SHLD2: variants seen among roughly 807,000 people sequenced by gnomAD.
The protein encoded by SHLD2 is RINN1-REV7-interacting novel NHEJ regulator 2.
SHLD2 carries 30 observed loss-of-function variants against 73.2 expected under a neutral mutation model. The ratio of observed to expected loss-of-function variants is 0.41; its 90% CI spans 0.31 to 0.56. SHLD2 has a LOEUF of 0.56. Ranked by LOEUF, SHLD2 falls within the 20% of genes least tolerant of loss-of-function variation. The pLI is 0.28. For missense variants in SHLD2, 745 were observed against 1,055.9 expected (o/e 0.71, Z 4.08); for synonymous variants, 285 against 370.1 (o/e 0.77, Z 2.64).
At position 87,191,138 on chromosome 10, in the gene SHLD2, A is replaced by G. The variant is rs991950159; in HGVS notation, c.*455A>G. ...CTATAATGATAATGGATTAGTTTAT[A>G]TAAACCTATGTTTAGACAAGTTCAA... is the stretch of plus-strand genomic sequence containing the variant. On this transcript the variant is annotated 3_prime_UTR_variant, in exon 10 of 10. Transcript: ENST00000298786. 20 of 183,606 alleles carry G rather than the reference A, an allele frequency of 1.1e-4. No individual in the cohort carries two copies. The highest frequency in any genetic ancestry group is 5.4e-3 in the Middle Eastern group (2 of 368). 11.4% of individuals were successfully genotyped at this position (183,606 alleles called of 1,614,324 possible). A position where few individuals can be genotyped will look rare whatever the true frequency, so the allele number is the denominator to read the frequency against.
intron 8 of SHLD2, among the ~76,000 whole-genome samples, chr10:87,182,136 A>G (rs558898385): frequency 2.9e-4 from 44 of 152,374 alleles, no homozygotes; most frequent in African/African-American, 9.9e-4. Flanking sequence ...ATTGAAATTA[A>G]CAAACTCCCT....
chr10:87,176,766 A>G (rs1253449288), intron 7 of SHLD2, among the ~76,000 whole-genome samples: 2 of 152,244 alleles, frequency 1.3e-5, no homozygotes, highest in African/African-American at 2.4e-5. Context: ...TCATAAAACT[A>G]TGCTAAGGAG....
At chr10:87,180,648 T>C (rs1848247005) in intron 8 of SHLD2, among the ~76,000 whole-genome samples, 1 of 152,208 alleles carries the variant, frequency 6.6e-6, no homozygotes, top group East Asian at 1.9e-4. Context: ...GCTAAAAGTA[T>C]CATATGATCT....
At chr10:87,117,280 G>A (rs1326951531) in intron 2 of SHLD2, among the ~76,000 whole-genome samples, 2 of 152,072 alleles carry the variant, frequency 1.3e-5, no homozygotes, top group African/African-American at 2.4e-5. Context: ...TTAGCTGGGC[G>A]TGGTGGTGCA....
intron 6 of SHLD2, among the ~76,000 whole-genome samples, chr10:87,173,585 T>C (rs1847754179): frequency 6.6e-6 from 1 of 152,198 alleles, no homozygotes; most frequent in Non-Finnish European, 1.5e-5. Context: ...AAATTTCAGA[T>C]ACATTAGAGA....
intron 8 of SHLD2, 131 bp downstream of exon 8, chr10:87,180,434 T>C: frequency 8.2e-7 from 1 of 1,226,804 alleles, no homozygotes; most frequent in African/African-American, 1.5e-5. Context: ...TTCCGAGTGA[T>C]AGATAGCTAT....
intron 2 of SHLD2, among the ~76,000 whole-genome samples, chr10:87,106,508 TCTC>T (rs1291398615): frequency 2.6e-5 from 4 of 152,218 alleles, no homozygotes; most frequent in Admixed American, 2.6e-4. Flanking sequence ...AAATTCTAGT[TCTC>T]CTTGAGATCT....
chr10:87,144,046 T>TA (rs1845402992), intron 2 of SHLD2, among the ~76,000 whole-genome samples: 1 of 151,960 alleles, frequency 6.6e-6, no homozygotes, highest in South Asian at 2.1e-4. Flanking sequence ...GTGTTTTTAG[T>TA]AGAGACGGGG....
At chr10:87,147,357 A>AAG (rs71019470) in intron 2 of SHLD2, among the ~76,000 whole-genome samples, 4 of 150,198 alleles carry the variant, frequency 2.7e-5, no homozygotes, top group Non-Finnish European at 5.9e-5. Flanking sequence ...CCCAAGGAGG[A>AAG]AGAGAGAGAG....
intron 4 of SHLD2, among the ~76,000 whole-genome samples, chr10:87,159,212 G>A (rs1209640938): frequency 1.3e-5 from 2 of 152,174 alleles, no homozygotes; most frequent in African/African-American, 4.8e-5. Flanking sequence ...GGCAGAGCAA[G>A]TAGAAGGGAA....
intron 6 of SHLD2, among the ~76,000 whole-genome samples, chr10:87,173,742 C>CA (rs1300183782): frequency 1.4e-3 from 126 of 91,330 alleles, no homozygotes; most frequent in African/African-American, 2.6e-3. Context: ...GAAAGGCAAC[C>CA]AAAAAAAAAC....
At chr10:87,097,029 C>T (rs1017141823) in intron 2 of SHLD2, 40 bp downstream of exon 2, 2 of 152,110 alleles carry the variant, frequency 1.3e-5, no homozygotes, top group Non-Finnish European at 2.9e-5. Context: ...TATCGTTTTA[C>T]TCTCTTACAT....
intron 3 of SHLD2, among the ~76,000 whole-genome samples, chr10:87,153,816 G>A (rs1469825938): frequency 6.6e-6 from 1 of 152,124 alleles, no homozygotes; most frequent in Non-Finnish European, 1.5e-5. Flanking sequence ...CATCTAGGAA[G>A]TGGCAAAGCT....
intron 4 of SHLD2, among the ~76,000 whole-genome samples, chr10:87,163,665 C>G (rs933438465): frequency 7.3e-5 from 11 of 149,894 alleles, no homozygotes; most frequent in Admixed American, 6.7e-5. Context: ...CAAATGAGTA[C>G]ATAGATTGTA....
At chr10:87,112,510 T>C (rs1300150913) in intron 2 of SHLD2, among the ~76,000 whole-genome samples, 1 of 151,826 alleles carries the variant, frequency 6.6e-6, no homozygotes, top group African/African-American at 2.4e-5. Context: ...GGTTTGTGCC[T>C]GTAGTTCCAG....
chr10:87,136,791 T>C (rs1188146651), intron 2 of SHLD2, among the ~76,000 whole-genome samples: 1 of 152,152 alleles, frequency 6.6e-6, no homozygotes, highest in African/African-American at 2.4e-5. Flanking sequence ...GTTTTAAAAA[T>C]TGGTGGCTTG....
intron 2 of SHLD2, among the ~76,000 whole-genome samples, chr10:87,109,301 ATTTTT>A (rs554117476): frequency 2.8e-5 from 4 of 142,290 alleles, no homozygotes; most frequent in African/African-American, 7.7e-5. Flanking sequence ...CGCAAATAAG[ATTTTT>A]TTTTTTTTTT....
At chr10:87,145,678 A>G (rs1845553188) in intron 2 of SHLD2, among the ~76,000 whole-genome samples, 1 of 150,792 alleles carries the variant, frequency 6.6e-6, no homozygotes, top group South Asian at 2.1e-4. Context: ...TGCAAAGACA[A>G]AACCTGCTGA....
At chr10:87,164,084 A>G (rs1447378782) in intron 4 of SHLD2, among the ~76,000 whole-genome samples, 1 of 151,622 alleles carries the variant, frequency 6.6e-6, no homozygotes, top group African/African-American at 2.4e-5. Flanking sequence ...CAGCCTCCCA[A>G]GTAGCTGGGA....
Sources: gnomAD v4.1 joint callset for allele counts (sites outside exome capture counted in the v4.1 genomes callset) on GRCh38, gnomAD v4.1.1 for gene constraint, MANE v1.5 for transcripts, NCBI Gene and HGNC (gene_info 2026-07-23, HGNC 2026-07-21) for gene names.